The following ARHGAP6 variants were observed in gnomAD, a reference collection of about 807,000 sequenced individuals.
ARHGAP6 encodes Rho GTPase activating protein 6.
ARHGAP6 carries 16 observed loss-of-function variants against 55.7 expected under a neutral mutation model. The ratio of observed to expected loss-of-function variants is 0.29; its 90% confidence interval spans 0.19 to 0.44. The LOEUF (loss-of-function observed/expected upper bound fraction) is 0.44, where lower values mean the gene tolerates loss of function less well. Among genes scored for constraint, ARHGAP6 ranks in the 20% least tolerant of loss-of-function variants. The probability of loss-of-function intolerance (pLI) is 1.00; values close to 1 mark genes in which losing one functional copy is unlikely to be tolerated. For synonymous variants in ARHGAP6, 382 were observed against 360.9 expected (o/e 1.06, Z -0.66); for missense variants, 698 against 808.9 (o/e 0.86, Z 1.66).
At chrX:11,611,081 C>T (rs2052096644) in intron 1 of ARHGAP6, among the ~76,000 whole-genome samples, 1 of 112,767 alleles carries the variant, frequency 8.9e-6, no homozygotes, top group African/African-American at 3.2e-5. Flanking sequence ...TCAACAGACA[C>T]TTGAGTTGTT....
chrX:11,297,398 G>A (rs1278008675), intron 1 of ARHGAP6, among the ~76,000 whole-genome samples: 1 of 111,725 alleles, frequency 9.0e-6, no homozygotes, highest in Non-Finnish European at 1.9e-5. Context: ...TGGAACCCTG[G>A]TTTCCTCATC....
chrX:11,510,870 T>A (rs1387872462), intron 1 of ARHGAP6, among the ~76,000 whole-genome samples: 1 of 112,095 alleles, frequency 8.9e-6, no homozygotes, highest in African/African-American at 3.2e-5. Context: ...CATAAAGTTT[T>A]ATTAAAACAC....
chrX:11,398,811 G>A (rs1476099760), intron 1 of ARHGAP6, among the ~76,000 whole-genome samples: 1 of 111,774 alleles, frequency 8.9e-6, no homozygotes, highest in Non-Finnish European at 1.9e-5. Flanking sequence ...GAGAGTTGCA[G>A]AAAGACAAAC....
chrX:11,615,090 C>A (rs1183773943), intron 1 of ARHGAP6, among the ~76,000 whole-genome samples: 1 of 111,007 alleles, frequency 9.0e-6, no homozygotes, highest in East Asian at 2.8e-4. Flanking sequence ...AGGGGACCCA[C>A]CTTTCTTAGG....
At chrX:11,436,892 G>A (rs757245556) in intron 1 of ARHGAP6, among the ~76,000 whole-genome samples, 1 of 100,527 alleles carries the variant, frequency 9.9e-6, no homozygotes, top group Non-Finnish European at 2.0e-5. Flanking sequence ...GAGGAGTTGA[G>A]GGGGGGATAG....
intron 1 of ARHGAP6, among the ~76,000 whole-genome samples, chrX:11,477,172 A>AC (rs1301140896): frequency 1.8e-5 from 2 of 109,322 alleles, no homozygotes; most frequent in African/African-American, 3.3e-5. Flanking sequence ...AAAAAAAAAA[A>AC]AACAATTTTT....
chrX:11,377,948 T>C (rs1176200024), intron 1 of ARHGAP6, among the ~76,000 whole-genome samples: 1 of 111,841 alleles, frequency 8.9e-6, no homozygotes, highest in Non-Finnish European at 1.9e-5. Context: ...CACGTCATTG[T>C]TACTCACTGA....
intron 1 of ARHGAP6, among the ~76,000 whole-genome samples, chrX:11,606,718 C>A (rs916745527): frequency 1.8e-5 from 2 of 111,631 alleles, no homozygotes; most frequent in African/African-American, 3.3e-5. Context: ...CAGTTTTACT[C>A]TTTAAAATCT....
intron 10 of ARHGAP6, among the ~76,000 whole-genome samples, chrX:11,151,062 C>G (rs1277102611): frequency 9.0e-6 from 1 of 111,095 alleles, no homozygotes; most frequent in African/African-American, 3.3e-5. Flanking sequence ...ACTGTGATTC[C>G]TTTGTTTTGT....
At chrX:11,540,393 C>A (rs1284685835) in intron 1 of ARHGAP6, among the ~76,000 whole-genome samples, 1 of 111,435 alleles carries the variant, frequency 9.0e-6, no homozygotes, top group Non-Finnish European at 1.9e-5. Flanking sequence ...GGGTCCCATG[C>A]TATAAGAAAC....
chrX:11,190,911 C>G (rs777505011), intron 3 of ARHGAP6, among the ~76,000 whole-genome samples: 1 of 112,424 alleles, frequency 8.9e-6, no homozygotes, highest in South Asian at 3.7e-4. Context: ...ACTCTTCACA[C>G]CTGCTGTACC....
chrX:11,655,053 C>A (rs1306790123), intron 1 of ARHGAP6, among the ~76,000 whole-genome samples: 2 of 111,705 alleles, frequency 1.8e-5, no homozygotes, highest in Non-Finnish European at 3.8e-5. Context: ...CGCTCCACAT[C>A]CCTCCCTACC....
intron 2 of ARHGAP6, among the ~76,000 whole-genome samples, chrX:11,218,531 G>A (rs2046913857): frequency 9.0e-6 from 1 of 111,348 alleles, no homozygotes. Context: ...AGTTTCAGAA[G>A]GAATGGTACC....
intron 1 of ARHGAP6, among the ~76,000 whole-genome samples, chrX:11,280,579 T>C (rs757410216): frequency 9.1e-6 from 1 of 109,558 alleles, no homozygotes; most frequent in East Asian, 2.9e-4. Flanking sequence ...CAGACCTAGC[T>C]TAAAAGTCAA....
At chrX:11,292,087 C>G (rs941782962) in intron 1 of ARHGAP6, among the ~76,000 whole-genome samples, 7 of 111,846 alleles carry the variant, frequency 6.3e-5, no homozygotes, top group African/African-American at 2.0e-4. Flanking sequence ...TATTTCCATT[C>G]TACATATCAG....
chrX:11,248,198 T>G (rs1388339823), intron 2 of ARHGAP6, among the ~76,000 whole-genome samples: 1 of 111,150 alleles, frequency 9.0e-6, no homozygotes, highest in Admixed American at 9.6e-5. Context: ...GGAAGAGAGT[T>G]TGCCCTTCTC....
chrX:11,298,051 C>T (rs1420298573), intron 1 of ARHGAP6: 1 of 1,130,025 alleles, frequency 8.8e-7, no homozygotes, highest in South Asian at 1.8e-5. Flanking sequence ...AACACAGTGC[C>T]TGTCACACAG....
At chrX:11,423,785 C>T (rs1005301825) in intron 1 of ARHGAP6, among the ~76,000 whole-genome samples, 1 of 111,865 alleles carries the variant, frequency 8.9e-6, no homozygotes, top group Non-Finnish European at 1.9e-5. Context: ...TGATGTCAGT[C>T]CAGGGATTCC....
intron 3 of ARHGAP6, among the ~76,000 whole-genome samples, chrX:11,196,260 ATCTGGGAAT>A (rs1214273165): frequency 9.0e-6 from 1 of 111,598 alleles, no homozygotes; most frequent in Non-Finnish European, 1.9e-5. Flanking sequence ...TGAATATCTA[ATCTGGGAAT>A]TCTTAATTTA....
Sources: allele counts gnomAD v4.1 joint callset (sites outside exome capture counted in the v4.1 genomes callset), GRCh38; gene constraint gnomAD v4.1.1; transcripts MANE v1.5; gene names NCBI Gene and HGNC (gene_info 2026-07-23, HGNC 2026-07-21).